The following PHF21B variants were observed in gnomAD, a reference collection of about 807,000 sequenced individuals.
PHF21B encodes PHD finger protein 21B.
A neutral mutation model predicts 62.2 loss-of-function variants in PHF21B; 22 were observed. That is an observed-to-expected ratio of 0.35 (90% CI 0.25 to 0.51). PHF21B has a LOEUF of 0.51. Among genes scored for constraint, PHF21B ranks in the 20% least tolerant of loss-of-function variants. The pLI is 0.97. For synonymous variants in PHF21B, 341 were observed against 314.7 expected, an observed-to-expected ratio of 1.08 and a Z score of -0.88; for missense variants, 701 against 707.9, an observed-to-expected ratio of 0.99 and a Z score of 0.11.
At chr22:44,923,597 C>G (rs1302771484) in intron 2 of PHF21B, among the ~76,000 whole-genome samples, 1 of 152,134 alleles carries the variant, frequency 6.6e-6, no homozygotes, top group Non-Finnish European at 1.5e-5. Flanking sequence ...GAAAAAAACA[C>G]ATACAAATCA....
chr22:44,968,643 C>CAAAA (rs57203297), intron 2 of PHF21B, among the ~76,000 whole-genome samples: 3 of 113,760 alleles, frequency 2.6e-5, no homozygotes, highest in Non-Finnish European at 3.8e-5. Flanking sequence ...GATTCCATCT[C>CAAAA]AAAAAAAAAA....
chr22:45,007,396 C>T (rs1187343143), intron 2 of PHF21B, among the ~76,000 whole-genome samples: 1 of 150,404 alleles, frequency 6.6e-6, no homozygotes, highest in Non-Finnish European at 1.5e-5. Context: ...GAGGGGGCGT[C>T]CGATCCGGCG....
At chr22:45,007,440 C>T (rs1208882456) in intron 2 of PHF21B, among the ~76,000 whole-genome samples, 1 of 146,102 alleles carries the variant, frequency 6.8e-6, no homozygotes. Flanking sequence ...GGGGCAGGCC[C>T]GGGCGGGGGC....
In PHF21B at chr22:45,009,411, AAG is replaced by A; in HGVS notation, c.54+83_54+84del. ...CAGCCTGGAAGACCCAGAGACCCGG[AAG>A]AGAGGATGCTGGGCTCGGGTCCCCC... On this transcript the variant is annotated intron_variant, in intron 1 of 12. Coordinates refer to ENST00000313237, the MANE Select transcript of PHF21B (RefSeq NM_138415.5). This position sits in a 1 kb window ranked among gnomAD's most constrained non-coding sequence, Gnocchi z 5.9. 1 of 1,348,882 alleles carries A rather than the reference AAG, an allele frequency of 7.4e-7. No individual in the cohort carries two copies. The highest frequency in any genetic ancestry group is 9.9e-7 in the Non-Finnish European group (1 of 1,009,138). 83.6% of individuals were successfully genotyped at this position (1,348,882 alleles called of 1,614,324 possible).
chr22:44,987,273 T>C (rs982784890), intron 2 of PHF21B, among the ~76,000 whole-genome samples: 1 of 151,778 alleles, frequency 6.6e-6, no homozygotes, highest in Non-Finnish European at 1.5e-5. Flanking sequence ...GGAGGTGACA[T>C]TGGCAAGATG....
chr22:44,898,455 G>A lies in PHF21B; in HGVS notation c.832-2372C>T, dbSNP rs558211116. Among the ~76,000 whole-genome samples, 15 of 152,108 alleles carry A rather than the reference G, an allele frequency of 9.9e-5. No homozygotes were observed. In the East Asian group the frequency reaches 2.7e-3, roughly 27 times the overall value. Reference sequence around the variant, plus strand: ...TCCACTCAGCAAAGCCACTCTTTCCGTGCCTGCCCCGTGCCCCCATACCAT... The same window carrying A: ...TCCACTCAGCAAAGCCACTCTTTCCATGCCTGCCCCGTGCCCCCATACCAT... On this transcript the variant is annotated intron_variant, in intron 5 of 12. Transcript: ENST00000313237.
intron 2 of PHF21B, chr22:45,008,180 C>T: frequency 5.2e-6 from 1 of 192,166 alleles, no homozygotes. Flanking sequence ...GGTGTCCAGG[C>T]CCCCACGGCC....
intron 2 of PHF21B, among the ~76,000 whole-genome samples, chr22:44,985,404 C>A (rs1373569831): frequency 6.6e-6 from 1 of 152,088 alleles, no homozygotes; most frequent in Admixed American, 6.6e-5. Flanking sequence ...ATGAAGAAGT[C>A]AAGGCCCAGC....
intron 2 of PHF21B, among the ~76,000 whole-genome samples, chr22:44,924,559 C>T (rs1227751321): frequency 6.6e-6 from 1 of 152,190 alleles, no homozygotes; most frequent in East Asian, 1.9e-4. Context: ...TGTGTCCTCT[C>T]TCTCTCTCAT....
At chr22:44,989,883 T>C (rs2073015638) in intron 2 of PHF21B, among the ~76,000 whole-genome samples, 1 of 152,232 alleles carries the variant, frequency 6.6e-6, no homozygotes, top group South Asian at 2.1e-4. Flanking sequence ...GTACTGGGAT[T>C]ACAGGCGTGA....
intron 5 of PHF21B, among the ~76,000 whole-genome samples, chr22:44,909,643 G>A (rs1399621817): frequency 6.6e-6 from 1 of 152,226 alleles, no homozygotes; most frequent in Non-Finnish European, 1.5e-5. Context: ...CCAGGACCAG[G>A]TTCCCACGTC....
intron 2 of PHF21B, among the ~76,000 whole-genome samples, chr22:44,944,930 C>T (rs943179519): frequency 1.3e-5 from 2 of 152,204 alleles, no homozygotes; most frequent in Non-Finnish European, 2.9e-5. Flanking sequence ...GCCTTCCTGC[C>T]GCAGTCCTGA....
At chr22:44,894,698 G>A (rs1474827338) in intron 6 of PHF21B, among the ~76,000 whole-genome samples, 2 of 152,214 alleles carry the variant, frequency 1.3e-5, no homozygotes, top group African/African-American at 4.8e-5. Flanking sequence ...CTTACAGGGG[G>A]CTTCCCTGCC....
intron 2 of PHF21B, among the ~76,000 whole-genome samples, chr22:44,950,738 T>C (rs1441362946): frequency 6.6e-6 from 1 of 152,260 alleles, no homozygotes; most frequent in Non-Finnish European, 1.5e-5. Flanking sequence ...CTTGTTGCAA[T>C]GAATCCATAA....
intron 5 of PHF21B, among the ~76,000 whole-genome samples, chr22:44,908,624 C>G (rs2071292891): frequency 6.6e-6 from 1 of 152,220 alleles, no homozygotes; most frequent in Non-Finnish European, 1.5e-5. Context: ...GCCCAAACAC[C>G]AATCATGTTT....
At chr22:44,912,904 A>AAAGAC in intron 5 of PHF21B, among the ~76,000 whole-genome samples, 1 of 151,094 alleles carries the variant, frequency 6.6e-6, no homozygotes, top group African/African-American at 2.4e-5. Context: ...AAAAGACAAA[A>AAAGAC]AGAAAGGAAA....
At chr22:44,946,544 G>C (rs1028987698) in intron 2 of PHF21B, among the ~76,000 whole-genome samples, 9 of 152,112 alleles carry the variant, frequency 5.9e-5, no homozygotes, top group Admixed American at 6.5e-5. Context: ...TGGACGGATG[G>C]AAGGGTAGAT....
chr22:44,941,944 C>A (rs2071966578), intron 2 of PHF21B, among the ~76,000 whole-genome samples: 1 of 152,210 alleles, frequency 6.6e-6, no homozygotes, highest in Non-Finnish European at 1.5e-5. Flanking sequence ...TCCCCCACCC[C>A]ATCTGTGAGA....
At chr22:44,929,775 T>G (rs1021090499) in intron 2 of PHF21B, among the ~76,000 whole-genome samples, 12 of 152,192 alleles carry the variant, frequency 7.9e-5, no homozygotes, top group Non-Finnish European at 2.9e-5. Context: ...CTCTCAGTCC[T>G]GCGCGCCTCT....
Sources: gnomAD v4.1 joint callset for allele counts (sites outside exome capture counted in the v4.1 genomes callset) on GRCh38, gnomAD v4.1.1 for gene constraint, Gnocchi (gnomAD v3.1) non-coding constraint, MANE v1.5 for transcripts, NCBI Gene and HGNC (gene_info 2026-07-23, HGNC 2026-07-21) for gene names.